Variants in ZDHHC17 observed in about 807,000 individuals in gnomAD.
ZDHHC17 encodes zDHHC palmitoyltransferase 17.
ZDHHC17 carries 40 observed loss-of-function variants against 90.3 expected under a neutral mutation model. That is an observed-to-expected ratio of 0.44 (90% CI 0.34 to 0.58). The LOEUF (loss-of-function observed/expected upper bound fraction) is 0.58, where lower values mean the gene tolerates loss of function less well. ZDHHC17 is among the 20% of genes least tolerant of loss of function. ZDHHC17 has a pLI of 0.01. For missense variants in ZDHHC17, 614 were observed against 780.8 expected (o/e 0.79, Z 2.55); for synonymous variants, 235 against 252.4 (o/e 0.93, Z 0.65).
intron 7 of ZDHHC17, chr12:76,821,083 T>C: frequency 3.1e-6 from 4 of 1,289,364 alleles, no homozygotes; most frequent in Non-Finnish European, 4.0e-6. Flanking sequence ...CACATGGCCC[T>C]CTAGTGGAAG....
chr12:76,777,860 T>C (rs1390895446), intron 1 of ZDHHC17, among the ~76,000 whole-genome samples: 1 of 151,904 alleles, frequency 6.6e-6, no homozygotes, highest in African/African-American at 2.4e-5. Context: ...CATGAGGAAG[T>C]GAAACCAGAA....
At chr12:76,785,621 A>T (rs1178442922) in intron 1 of ZDHHC17, among the ~76,000 whole-genome samples, 2 of 152,234 alleles carry the variant, frequency 1.3e-5, no homozygotes, top group Non-Finnish European at 2.9e-5. Context: ...ATGGGCACAC[A>T]TAATAGGTCA....
At chr12:76,780,538 G>A (rs954596783) in intron 1 of ZDHHC17, among the ~76,000 whole-genome samples, 2 of 152,020 alleles carry the variant, frequency 1.3e-5, no homozygotes, top group African/African-American at 4.8e-5. Flanking sequence ...TCTGGCTACC[G>A]CCCAACTTCT....
intron 2 of ZDHHC17, 71 bp downstream of exon 2, chr12:76,797,608 C>G: frequency 8.2e-7 from 1 of 1,224,704 alleles, no homozygotes; most frequent in Non-Finnish European, 1.1e-6. Flanking sequence ...GAATAACAGT[C>G]ATATTACTTT....
At chr12:76,845,600 T>TA in intron 12 of ZDHHC17, 109 bp from the exon 13 acceptor site, 1 of 440,984 alleles carries the variant, frequency 2.3e-6, no homozygotes. Context: ...TAATCTTGTT[T>TA]AAAAAATATA....
intron 5 of ZDHHC17, among the ~76,000 whole-genome samples, chr12:76,811,448 T>A (rs1953019890): frequency 6.6e-6 from 1 of 152,170 alleles, no homozygotes. Flanking sequence ...GTCTTTTTTT[T>A]AACTTATTGA....
intron 5 of ZDHHC17, 52 bp from the exon 6 acceptor site, chr12:76,815,094 G>A (rs1953068749): frequency 7.3e-7 from 1 of 1,373,452 alleles, no homozygotes; most frequent in Admixed American, 2.2e-5. Flanking sequence ...AGCAAATTTG[G>A]TTAGGAACTT....
At position 76,764,137 on chromosome 12, in the gene ZDHHC17, G is replaced by A. The variant is rs1256896998; in HGVS notation, c.-100G>A. On this transcript the variant is annotated 5_prime_UTR_variant, in exon 1 of 17. Transcript: ENST00000426126. ...GGCGTCACGGGGGCAGGAGAAGAAGGAGGAGGAGGCCCGCGTCGCCTCCGG... is the reference window on the plus strand; with the variant it reads ...GGCGTCACGGGGGCAGGAGAAGAAGAAGGAGGAGGCCCGCGTCGCCTCCGG... The A allele has an allele frequency of 3.3e-6, 3 of 903,642 alleles. No homozygotes were observed. The highest frequency in any genetic ancestry group is 5.0e-6 in the Non-Finnish European group (3 of 601,676). 56.0% of individuals were successfully genotyped at this position (903,642 alleles called of 1,614,324 possible). A position where few individuals can be genotyped will look rare whatever the true frequency, so the allele number is the denominator to read the frequency against.
rs777270536 is a variant in ZDHHC17, at chr12:76,816,002, G to A, written c.754G>A (p.Asp252Asn). ...TCTTCTGGAAGCTGGAGCTAATGTT[G>A]ATGCCCAGAATATCAAGGTAAAAAT... ...SLLLEAGANV[D>N]AQNIKGESAL... Residue 252 changes from aspartate (D) to asparagine (N), a missense_variant, in exon 7 of 17, where the codon GAT becomes AAT. Coordinates refer to ENST00000426126, the MANE Select transcript of ZDHHC17 (RefSeq NM_015336.4). The A allele has an allele frequency of 3.9e-6, 6 of 1,550,506 alleles. No individual in the cohort carries two copies. The highest frequency in any genetic ancestry group is 5.2e-6 in the Non-Finnish European group (6 of 1,149,588).
At chr12:76,766,352 G>A (rs115628294) in intron 1 of ZDHHC17, among the ~76,000 whole-genome samples, 93 of 152,334 alleles carry the variant, frequency 6.1e-4, no homozygotes, top group African/African-American at 2.2e-3. Flanking sequence ...TGTGGTTAGT[G>A]TGTGCAGCTG....
chr12:76,804,689 G>A (rs1952934162), intron 2 of ZDHHC17, among the ~76,000 whole-genome samples: 1 of 152,190 alleles, frequency 6.6e-6, no homozygotes, highest in African/African-American at 2.4e-5. Flanking sequence ...GCGGCGTCTG[G>A]GAAGATTGCA....
At chr12:76,832,965 T>G (rs1350492915) in intron 10 of ZDHHC17, among the ~76,000 whole-genome samples, 2 of 152,214 alleles carry the variant, frequency 1.3e-5, no homozygotes, top group Non-Finnish European at 2.9e-5. Flanking sequence ...AATATTGATT[T>G]TGGTGTTACA....
At chr12:76,804,984 A>G (rs868028643) in intron 2 of ZDHHC17, among the ~76,000 whole-genome samples, 1 of 151,992 alleles carries the variant, frequency 6.6e-6, no homozygotes, top group Non-Finnish European at 1.5e-5. Context: ...TATATTTAAT[A>G]TTTTTTAATA....
chr12:76,807,872 C>G (rs1216426907), intron 3 of ZDHHC17, among the ~76,000 whole-genome samples: 1 of 152,112 alleles, frequency 6.6e-6, no homozygotes, highest in African/African-American at 2.4e-5. Context: ...GCTTTGGGTT[C>G]TAGCCTACCC....
At chr12:76,841,505 A>G (rs890289411) in intron 10 of ZDHHC17, among the ~76,000 whole-genome samples, 6 of 152,098 alleles carry the variant, frequency 3.9e-5, no homozygotes, top group Non-Finnish European at 8.8e-5. Context: ...CATATAAACT[A>G]TTTGTTTTAA....
chr12:76,849,340 A>AAC (rs753976108), intron 15 of ZDHHC17, 36 bp from the exon 16 acceptor site: 12 of 1,132,012 alleles, frequency 1.1e-5, no homozygotes, highest in African/African-American at 1.6e-5. Context: ...AAAAAAAAAA[A>AAC]ACAAGAATAA....
At chr12:76,790,634 CTG>C (rs1952749788) in intron 1 of ZDHHC17, among the ~76,000 whole-genome samples, 1 of 152,120 alleles carries the variant, frequency 6.6e-6, no homozygotes, top group South Asian at 2.1e-4. Flanking sequence ...GAAGTGAAAA[CTG>C]TTATTTAAGG....
Position 76,764,295 on chromosome 12 carries a change from C to T in ZDHHC17, c.59C>T (p.Thr20Ile). The T allele has an allele frequency of 1.2e-6, 2 of 1,606,168 alleles. No individual in the cohort carries two copies. The highest frequency in any genetic ancestry group is 2.2e-5 in the East Asian group (1 of 44,654). ...GCGGACGGCCCGGATGAGTACGATA[C>T]CGAAGCGGGCTGTGTGCCCCTTCTC... The part of the protein sequence containing the change: ...KMADGPDEYD[T>I]EAGCVPLLHP... The change falls in exon 1 of 17, where the codon ACC becomes ATC. Residue 20 changes from threonine to isoleucine, a missense_variant. Physicochemically the swap from Thr to Ile is moderately conservative, Grantham distance 89 (BLOSUM62 -1). Coordinates refer to ENST00000426126, the MANE Select transcript of ZDHHC17 (RefSeq NM_015336.4).
chr12:76,837,621 T>G (rs1372146951), intron 10 of ZDHHC17, among the ~76,000 whole-genome samples: 1 of 152,212 alleles, frequency 6.6e-6, no homozygotes, highest in Non-Finnish European at 1.5e-5. Context: ...CTTTTCAGGA[T>G]GCAGTATTTA....
Sources: allele counts gnomAD v4.1 joint callset (sites outside exome capture counted in the v4.1 genomes callset), GRCh38; gene constraint gnomAD v4.1.1; transcripts MANE v1.5; gene names NCBI Gene and HGNC (gene_info 2026-07-23, HGNC 2026-07-21).